The following CSMD3 variants were observed in gnomAD, a reference collection of about 807,000 sequenced individuals.
The protein encoded by CSMD3 is CUB and sushi domain-containing protein 3.
CSMD3 carries 177 observed loss-of-function variants against 435.2 expected under a neutral mutation model. The observed-to-expected ratio is 0.41, with a 90% CI of 0.36 to 0.46. CSMD3 has a LOEUF of 0.46. Ranked by LOEUF, CSMD3 falls within the 20% of genes least tolerant of loss-of-function variation. The pLI is 0.34. For missense variants in CSMD3, 4,265 were observed against 4,504.6 expected, an observed-to-expected ratio of 0.95 and a Z score of 1.52; for synonymous variants, 1,656 against 1,520.5, an observed-to-expected ratio of 1.09 and a Z score of -2.07.
At chr8:113,285,698 AT>A (rs1369317183) in intron 2 of CSMD3, among the ~76,000 whole-genome samples, 1 of 152,180 alleles carries the variant, frequency 6.6e-6, no homozygotes, top group African/African-American at 2.4e-5. Flanking sequence ...TCAGGCAGAT[AT>A]TTTTAATATG....
chr8:112,507,945 C>T (rs182133790), intron 28 of CSMD3, among the ~76,000 whole-genome samples: 3 of 152,122 alleles, frequency 2.0e-5, no homozygotes, highest in Admixed American at 6.6e-5. Context: ...ACTTTCCTGT[C>T]GCTTATATGT....
chr8:112,727,965 T>C (rs2076999774), intron 13 of CSMD3, among the ~76,000 whole-genome samples: 1 of 151,946 alleles, frequency 6.6e-6, no homozygotes, highest in Non-Finnish European at 1.5e-5. Context: ...GACTGTAAAC[T>C]CTTGTGTTAC....
chr8:113,229,104 G>A (rs759481268), intron 3 of CSMD3, among the ~76,000 whole-genome samples: 1 of 151,566 alleles, frequency 6.6e-6, no homozygotes, highest in African/African-American at 2.4e-5. Context: ...AATTATAATA[G>A]AGAATCTACA....
At chr8:112,485,354 A>G (rs1446274125) in intron 31 of CSMD3, among the ~76,000 whole-genome samples, 1 of 152,152 alleles carries the variant, frequency 6.6e-6, no homozygotes, top group African/African-American at 2.4e-5. Context: ...TGATACACAG[A>G]CATAATTTAC....
At chr8:112,546,478 T>C (rs545737326) in intron 27 of CSMD3, among the ~76,000 whole-genome samples, 1 of 152,258 alleles carries the variant, frequency 6.6e-6, no homozygotes, top group Admixed American at 6.5e-5. Flanking sequence ...AGGGATATAT[T>C]TCCTTGAGAT....
At chr8:112,495,083 C>T (rs1232106185) in intron 30 of CSMD3, among the ~76,000 whole-genome samples, 5 of 152,150 alleles carry the variant, frequency 3.3e-5, no homozygotes. Flanking sequence ...AGGGTAACTA[C>T]TTAATTTGGT....
intron 1 of CSMD3, among the ~76,000 whole-genome samples, chr8:113,358,718 G>A (rs746394699): frequency 7.2e-5 from 11 of 152,102 alleles, no homozygotes; most frequent in Non-Finnish European, 1.0e-4. Flanking sequence ...TGGCAATTTC[G>A]TGCCACATAG....
intron 13 of CSMD3, among the ~76,000 whole-genome samples, chr8:112,776,847 G>C (rs1261077042): frequency 6.6e-6 from 1 of 151,638 alleles, no homozygotes; most frequent in Non-Finnish European, 1.5e-5. Context: ...AGGAATTTTA[G>C]TTGATTCACT....
chr8:112,645,467 T>C (rs1363280588), intron 19 of CSMD3, among the ~76,000 whole-genome samples: 1 of 152,206 alleles, frequency 6.6e-6, no homozygotes, highest in Admixed American at 6.5e-5. Context: ...TATGTGCTAA[T>C]ACATTTCTAA....
At chr8:112,280,419 C>T (rs976629934) in intron 59 of CSMD3, among the ~76,000 whole-genome samples, 13 of 152,016 alleles carry the variant, frequency 8.6e-5, no homozygotes, top group African/African-American at 3.1e-4. Flanking sequence ...TCCAGGCATG[C>T]ACCACCACAC....
At chr8:112,972,625 A>C (rs2084699138) in intron 7 of CSMD3, among the ~76,000 whole-genome samples, 1 of 151,922 alleles carries the variant, frequency 6.6e-6, no homozygotes, top group Non-Finnish European at 1.5e-5. Context: ...TTTAATACTG[A>C]AATATGTAGA....
At chr8:113,007,462 G>GAAAGACCAT (rs1564201726) in intron 6 of CSMD3, among the ~76,000 whole-genome samples, 1 of 151,900 alleles carries the variant, frequency 6.6e-6, no homozygotes, top group Non-Finnish European at 1.5e-5. Flanking sequence ...GTGTGCAGAA[G>GAAAGACCAT]AAAGACCATG....
At chr8:113,185,317 G>C (rs936200385) in intron 3 of CSMD3, among the ~76,000 whole-genome samples, 1 of 152,060 alleles carries the variant, frequency 6.6e-6, no homozygotes, top group Non-Finnish European at 1.5e-5. Context: ...AGAAAAAAAA[G>C]TTGAGGTGAT....
chr8:113,084,912 G>T (rs1188877844), intron 5 of CSMD3, among the ~76,000 whole-genome samples: 1 of 151,950 alleles, frequency 6.6e-6, no homozygotes, highest in Non-Finnish European at 1.5e-5. Flanking sequence ...ATATTCATAT[G>T]CAGAAGAATA....
At position 113,329,233 on chromosome 8, in the gene CSMD3, A is replaced by AAATAAATAAATAAATAAATAAATG. The variant is rs1196514500; in HGVS notation, c.179-14441_179-14440insCATTTATTTATTTATTTATTTATT. 1.8e-3 allele frequency among the ~76,000 whole-genome samples: 269 copies of AAATAAATAAATAAATAAATAAATG among 151,268 alleles called. 1 individual carries two copies. Among genetic ancestry groups the AAATAAATAAATAAATAAATAAATG allele is most frequent in the African/African-American group, 6.3e-3 (261 of 41,348 alleles). On this transcript the variant is annotated intron_variant, in intron 1 of 70. Transcript: ENST00000297405. ...TAAATAAATAAATAAATAAATAAAT[A>AAATAAATAAATAAATAAATAAATG]AGGAATTAACTGAAAATGTACAAAT...
chr8:113,369,380 G>T (rs974817736), intron 1 of CSMD3, among the ~76,000 whole-genome samples: 4 of 151,848 alleles, frequency 2.6e-5, no homozygotes, highest in African/African-American at 9.7e-5. Context: ...CTGTTAGAAT[G>T]GCTATCATAA....
chr8:112,563,613 T>G (rs923545902), intron 24 of CSMD3, among the ~76,000 whole-genome samples: 1 of 152,034 alleles, frequency 6.6e-6, no homozygotes, highest in Admixed American at 6.6e-5. Flanking sequence ...ATTAACTTGG[T>G]CAAAACCAAT....
chr8:112,445,452 A>G (rs573689133), intron 32 of CSMD3, among the ~76,000 whole-genome samples: 113 of 152,158 alleles, frequency 7.4e-4, no homozygotes, highest in African/African-American at 2.7e-3. Flanking sequence ...ATCATGACGG[A>G]GGGCAAAGGG....
chr8:113,077,199 T>C (rs903009483), intron 5 of CSMD3, among the ~76,000 whole-genome samples: 3 of 152,160 alleles, frequency 2.0e-5, no homozygotes, highest in African/African-American at 4.8e-5. Flanking sequence ...GATATCATAC[T>C]ATAGTTATTC....
Sources: gnomAD v4.1 joint callset for allele counts (sites outside exome capture counted in the v4.1 genomes callset) on GRCh38, gnomAD v4.1.1 for gene constraint, MANE v1.5 for transcripts, NCBI Gene and HGNC (gene_info 2026-07-23, HGNC 2026-07-21) for gene names.